The following RBFOX1 variants were observed in gnomAD, a reference collection of about 807,000 sequenced individuals.
RBFOX1 encodes the protein RNA binding fox-1 homolog 1.
A neutral mutation model predicts 57.7 loss-of-function variants in RBFOX1; 8 were observed. That is an observed-to-expected ratio of 0.14 (90% confidence interval 0.08 to 0.25). The LOEUF (loss-of-function observed/expected upper bound fraction) is 0.25, where lower values mean the gene tolerates loss of function less well. Ranked by LOEUF, RBFOX1 falls within the 10% of genes least tolerant of loss-of-function variation. The probability of loss-of-function intolerance (pLI) is 1.00; values close to 1 mark genes in which losing one functional copy is unlikely to be tolerated. For synonymous variants in RBFOX1, 326 were observed against 222.4 expected (o/e 1.47, Z -4.15); for missense variants, 611 against 548.5 (o/e 1.11, Z -1.14).
intron 3 of RBFOX1, among the ~76,000 whole-genome samples, chr16:6,995,290 TTGTGTGTGTGTGTGTGTG>T (rs57039390): frequency 2.2e-5 from 3 of 138,328 alleles, no homozygotes; most frequent in Non-Finnish European, 3.1e-5. Context: ...GAAAGTAGCC[TTGTGTGTGTGTGTGTGTG>T]TGTGTGTGTG....
At position 7,458,083 on chromosome 16, in the gene RBFOX1, A is replaced by G. The variant is rs139072896; in HGVS notation, c.28-60064A>G. ...ACATACTTCCTGATTCACCTTCCAA[A>G]TCAGAACAAAGCTTCCTGTTCTTTG... On this transcript the variant is annotated intron_variant, in intron 4 of 15. Transcript: ENST00000550418. Among the ~76,000 whole-genome samples the G allele has an allele frequency of 4.4e-3, 663 of 152,190 alleles. 5 individuals carry two copies. The highest frequency in any genetic ancestry group is 0.015 in the African/African-American group (638 of 41,530).
At chr16:5,510,894 G>T (rs145501946) in intron 2 of RBFOX1, among the ~76,000 whole-genome samples, 2 of 152,096 alleles carry the variant, frequency 1.3e-5, no homozygotes, top group Non-Finnish European at 2.9e-5. Context: ...CTATGGCCAC[G>T]TATCCCCAGG....
intron 3 of RBFOX1, among the ~76,000 whole-genome samples, chr16:7,022,180 C>T (rs1568409695): frequency 1.3e-5 from 2 of 150,182 alleles, no homozygotes; most frequent in East Asian, 2.0e-4. Flanking sequence ...CCTCCCACCT[C>T]AGCCTCCTGA....
chr16:7,048,643 G>A (rs112852202), intron 3 of RBFOX1, among the ~76,000 whole-genome samples: 3,839 of 152,034 alleles, frequency 0.025, 75 homozygotes, highest in Middle Eastern at 0.037. Flanking sequence ...TTTTCTTACC[G>A]TTTGGAGTCG....
At chr16:6,088,890 A>T (rs924119233) in intron 1 of RBFOX1, among the ~76,000 whole-genome samples, 3 of 151,974 alleles carry the variant, frequency 2.0e-5, no homozygotes. Context: ...AGGTCAGGAG[A>T]TCAATACCAT....
chr16:6,780,674 T>G (rs2080863165), intron 3 of RBFOX1, among the ~76,000 whole-genome samples: 1 of 149,690 alleles, frequency 6.7e-6, no homozygotes, highest in Non-Finnish European at 1.5e-5. Flanking sequence ...TTGCCTGTTT[T>G]TTCAGAGAGC....
At chr16:5,723,917 A>G (rs1192477622) in intron 3 of RBFOX1, among the ~76,000 whole-genome samples, 2 of 152,230 alleles carry the variant, frequency 1.3e-5, no homozygotes, top group Admixed American at 1.3e-4. Flanking sequence ...CAAGTCAAGA[A>G]GATGTTTCAC....
At chr16:5,535,830 G>A (rs1034789442) in intron 2 of RBFOX1, among the ~76,000 whole-genome samples, 19 of 152,258 alleles carry the variant, frequency 1.2e-4, no homozygotes, top group African/African-American at 4.3e-4. Flanking sequence ...AAGACTTGTC[G>A]ACAGACATTT....
chr16:7,367,057 G>GT lies in RBFOX1; in HGVS notation c.28-151080dup, dbSNP rs765458670. 1.9e-3 allele frequency among the ~76,000 whole-genome samples: 286 copies of GT among 149,094 alleles called. 2 individuals carry two copies. Among genetic ancestry groups the GT allele is most frequent in the African/African-American group, 6.0e-3 (244 of 40,716 alleles). On this transcript the variant is annotated intron_variant, in intron 4 of 15. Coordinates refer to ENST00000550418, the MANE Select transcript of RBFOX1 (RefSeq NM_018723.4). ...TTGATTCCCTCCCCCAAACCCCCCAGTTTTTTTTTTCTTTTTGTCTTAGAC... is the reference window on the plus strand; with the variant it reads ...TTGATTCCCTCCCCCAAACCCCCCAGTTTTTTTTTTTCTTTTTGTCTTAGAC...
intron 2 of RBFOX1, among the ~76,000 whole-genome samples, chr16:6,579,791 G>A (rs1224324496): frequency 1.3e-5 from 2 of 151,956 alleles, no homozygotes; most frequent in Non-Finnish European, 2.9e-5. Flanking sequence ...TCACTATGTT[G>A]CCCAGGGTGG....
chr16:7,032,470 A>AATAT (rs1300040098), intron 3 of RBFOX1, among the ~76,000 whole-genome samples: 3 of 152,066 alleles, frequency 2.0e-5, no homozygotes, highest in Non-Finnish European at 4.4e-5. Flanking sequence ...TAAATAAATA[A>AATAT]TAAAAATCCC....
intron 2 of RBFOX1, among the ~76,000 whole-genome samples, chr16:6,635,832 G>A (rs1378618765): frequency 2.0e-5 from 3 of 152,132 alleles, no homozygotes; most frequent in Non-Finnish European, 2.9e-5. Flanking sequence ...ACCTGAATAA[G>A]TATAGTCTGA....
intron 1 of RBFOX1, among the ~76,000 whole-genome samples, chr16:6,279,552 C>G (rs1362532287): frequency 6.6e-6 from 1 of 152,166 alleles, no homozygotes; most frequent in African/African-American, 2.4e-5. Context: ...CTCTGATACG[C>G]TTGTGTAAGT....
intron 3 of RBFOX1, among the ~76,000 whole-genome samples, chr16:6,878,339 G>T (rs573649254): frequency 5.6e-4 from 86 of 152,246 alleles, no homozygotes; most frequent in African/African-American, 2.0e-3. Context: ...ACATTTTATT[G>T]CTGATGCAAG....
chr16:6,366,885 T>A (rs1353691511), intron 2 of RBFOX1, among the ~76,000 whole-genome samples: 1 of 152,192 alleles, frequency 6.6e-6, no homozygotes, highest in African/African-American at 2.4e-5. Context: ...CTCTATTGGG[T>A]CTCATTATTG....
At chr16:6,509,954 T>C (rs1373025036) in intron 2 of RBFOX1, among the ~76,000 whole-genome samples, 1 of 152,204 alleles carries the variant, frequency 6.6e-6, no homozygotes, top group East Asian at 1.9e-4. Flanking sequence ...GGATGTTTAC[T>C]CAAAGGCAAA....
At chr16:7,683,034 A>ATATATATATATAT (rs1568439301) in intron 14 of RBFOX1, among the ~76,000 whole-genome samples, 9 of 92,588 alleles carry the variant, frequency 9.7e-5, no homozygotes, top group African/African-American at 1.3e-4. Flanking sequence ...ATATATATAT[A>ATATATATATATAT]AAACAGTGCT....
chr16:6,694,900 G>T (rs11077071), intron 3 of RBFOX1, among the ~76,000 whole-genome samples: 148,975 of 151,802 alleles, frequency 0.98, 73,160 homozygotes, highest in Middle Eastern at 1. Context: ...GACAGCATGC[G>T]TGGTAAACAG....
At chr16:5,871,819 C>A (rs2057480582) in intron 4 of RBFOX1, among the ~76,000 whole-genome samples, 1 of 152,178 alleles carries the variant, frequency 6.6e-6, no homozygotes, top group East Asian at 1.9e-4. Context: ...AATGTAAACT[C>A]AGTGGAGGGC....
Sources: allele counts gnomAD v4.1 joint callset (sites outside exome capture counted in the v4.1 genomes callset), GRCh38; gene constraint gnomAD v4.1.1; transcripts MANE v1.5; gene names NCBI Gene and HGNC (gene_info 2026-07-23, HGNC 2026-07-21).